Variants in IQCM observed in about 807,000 individuals in gnomAD.
IQCM encodes IQ motif containing M.
In IQCM, 45 loss-of-function variants were observed where a neutral mutation model predicts 57.6. The observed-to-expected ratio is 0.78, with a 90% CI of 0.62 to 1.00. IQCM has a LOEUF of 1.00. IQCM is among the 50% of genes least tolerant of loss of function. IQCM has a pLI of 0.00. For missense variants in IQCM, 468 were observed against 511.6 expected, an observed-to-expected ratio of 0.91 and a Z score of 0.82; for synonymous variants, 148 against 158.9, an observed-to-expected ratio of 0.93 and a Z score of 0.51.
At chr4:149,519,565 G>A (rs1163200768) in intron 12 of IQCM, among the ~76,000 whole-genome samples, 5 of 151,852 alleles carry the variant, frequency 3.3e-5, no homozygotes, top group Non-Finnish European at 7.4e-5. Flanking sequence ...CAGGAGGCGT[G>A]AACCCGAGAG....
intron 12 of IQCM, among the ~76,000 whole-genome samples, chr4:149,511,049 G>A (rs1339771177): frequency 6.6e-6 from 1 of 152,056 alleles, no homozygotes; most frequent in Admixed American, 6.6e-5. Flanking sequence ...TGGAATAAAG[G>A]CCAGCCTCCT....
At chr4:149,564,782 A>C in intron 9 of IQCM, among the ~76,000 whole-genome samples, 1 of 150,516 alleles carries the variant, frequency 6.6e-6, no homozygotes, top group East Asian at 2.0e-4. Context: ...GGACCTCCTT[A>C]TGGTCATGTG....
At chr4:149,357,673 C>G (rs773519313) in intron 13 of IQCM, among the ~76,000 whole-genome samples, 1 of 152,098 alleles carries the variant, frequency 6.6e-6, no homozygotes, top group Non-Finnish European at 1.5e-5. Flanking sequence ...ATTTTTGCAC[C>G]AATGTTTATC....
At chr4:149,768,700 A>G (rs1770281847) in intron 2 of IQCM, among the ~76,000 whole-genome samples, 1 of 152,010 alleles carries the variant, frequency 6.6e-6, no homozygotes, top group Non-Finnish European at 1.5e-5. Flanking sequence ...AAGGTTACTC[A>G]ACAACAGGAG....
intron 13 of IQCM, among the ~76,000 whole-genome samples, chr4:149,354,624 T>C (rs1184133910): frequency 1.3e-5 from 2 of 151,956 alleles, no homozygotes; most frequent in African/African-American, 2.4e-5. Context: ...GAGATACTTA[T>C]AATATAACAT....
At chr4:149,619,235 G>A in intron 8 of IQCM, among the ~76,000 whole-genome samples, 1 of 151,732 alleles carries the variant, frequency 6.6e-6, no homozygotes, top group Non-Finnish European at 1.5e-5. Flanking sequence ...TGACTCCGAA[G>A]CAGAAAGTCA....
chr4:149,403,209 C>T (rs1194697818), intron 13 of IQCM, among the ~76,000 whole-genome samples: 1 of 151,898 alleles, frequency 6.6e-6, no homozygotes, highest in African/African-American at 2.4e-5. Context: ...ACTACCTTTC[C>T]AGATTGCTGA....
At chr4:149,739,562 T>C (rs940734119) in intron 3 of IQCM, among the ~76,000 whole-genome samples, 3 of 152,060 alleles carry the variant, frequency 2.0e-5, no homozygotes, top group Non-Finnish European at 4.4e-5. Flanking sequence ...AAAATTCCTT[T>C]TTATCCAAAA....
chr4:149,624,886 T>C (rs1433976875), intron 7 of IQCM, among the ~76,000 whole-genome samples: 1 of 152,196 alleles, frequency 6.6e-6, no homozygotes, highest in Non-Finnish European at 1.5e-5. Flanking sequence ...ACCAAAGACA[T>C]TACTGAGTTT....
In IQCM at chr4:149,571,677, CAT is replaced by C. The variant is rs558549607; in HGVS notation, c.750-7789_750-7788del. ...AATAATAACTATGTAAAGTAATGCA[CAT>C]GTTAATTAGCTCGATTTAGTCATTC... On this transcript the variant is annotated intron_variant, in intron 9 of 13. Transcript: ENST00000636793. 2.3e-3 allele frequency among the ~76,000 whole-genome samples: 347 copies of C among 152,166 alleles called. 3 individuals carry two copies. The highest frequency in any genetic ancestry group is 3.2e-3 in the Non-Finnish European group (216 of 68,000).
intron 13 of IQCM, among the ~76,000 whole-genome samples, chr4:149,421,439 C>T (rs898797180): frequency 3.9e-5 from 6 of 151,966 alleles, no homozygotes; most frequent in African/African-American, 1.4e-4. Flanking sequence ...GAGATCTTCC[C>T]ATCCATAAAT....
At chr4:149,587,147 T>C (rs1305860155) in intron 9 of IQCM, among the ~76,000 whole-genome samples, 1 of 151,748 alleles carries the variant, frequency 6.6e-6, no homozygotes, top group African/African-American at 2.4e-5. Flanking sequence ...ACTGAGGTTT[T>C]CTGCCTAAGT....
chr4:149,486,182 G>T (rs1342946190), intron 12 of IQCM, among the ~76,000 whole-genome samples: 1 of 151,952 alleles, frequency 6.6e-6, no homozygotes, highest in African/African-American at 2.4e-5. Flanking sequence ...ACTTGATCTT[G>T]CTCAAGGCCC....
intron 8 of IQCM, among the ~76,000 whole-genome samples, chr4:149,597,465 A>G (rs993675691): frequency 3.9e-5 from 6 of 152,158 alleles, no homozygotes; most frequent in African/African-American, 1.4e-4. Flanking sequence ...ATCTCAGCTC[A>G]CTACAACCTC....
intron 8 of IQCM, among the ~76,000 whole-genome samples, chr4:149,602,103 T>C (rs13132798): frequency 7.1e-6 from 1 of 140,322 alleles, no homozygotes; most frequent in Non-Finnish European, 1.6e-5. Context: ...AATACATCAA[T>C]AAAAATATAC....
At chr4:149,420,450 C>A (rs140230318) in intron 13 of IQCM, among the ~76,000 whole-genome samples, 1 of 151,678 alleles carries the variant, frequency 6.6e-6, no homozygotes, top group South Asian at 2.1e-4. Flanking sequence ...ACACAGGGAG[C>A]GAAATAACAA....
chr4:149,500,763 A>G lies in IQCM; in HGVS notation c.1228+47692T>C, dbSNP rs530063477. Among the ~76,000 whole-genome samples, 20 of 152,286 alleles carry G rather than the reference A, an allele frequency of 1.3e-4. 1 individual carries two copies. In the South Asian group the frequency reaches 4.1e-3, roughly 32 times the overall value. ...AGGGTCAGTAAGAAAATCTAAATCA[A>G]ATCAATACTAGTTCCTTTTTTTGTA... On this transcript the variant is annotated intron_variant, in intron 12 of 13. Transcript: ENST00000636793.
intron 2 of IQCM, chr4:149,790,057 A>T: frequency 3.9e-6 from 2 of 508,152 alleles, no homozygotes; most frequent in Non-Finnish European, 6.9e-6. Context: ...TCCTCAGTGG[A>T]TCAGCTTCAC....
chr4:149,368,793 T>TAC (rs1271849858), intron 13 of IQCM, among the ~76,000 whole-genome samples: 2 of 109,626 alleles, frequency 1.8e-5, no homozygotes, highest in African/African-American at 3.3e-5. Context: ...TGTATATATA[T>TAC]ACATATATAT....
Sources: gnomAD v4.1 joint callset for allele counts (sites outside exome capture counted in the v4.1 genomes callset) on GRCh38, gnomAD v4.1.1 for gene constraint, MANE v1.5 for transcripts, NCBI Gene and HGNC (gene_info 2026-07-23, HGNC 2026-07-21) for gene names.